The following DGKI variants were observed in gnomAD, a reference collection of about 807,000 sequenced individuals.
The protein encoded by DGKI is diacylglycerol kinase iota, also known as DAG kinase iota.
Under a neutral mutation model 147.5 loss-of-function variants are expected in DGKI, and 55 were observed. That is an observed-to-expected ratio of 0.37 (90% CI 0.30 to 0.47). The LOEUF (loss-of-function observed/expected upper bound fraction) is 0.47, where lower values mean the gene tolerates loss of function less well. Among genes scored for constraint, DGKI ranks in the 20% least tolerant of loss-of-function variants. The pLI is 1.00. For synonymous variants in DGKI, 469 were observed against 477.1 expected (o/e 0.98, Z 0.22); for missense variants, 1,007 against 1,323.8 (o/e 0.76, Z 3.71).
chr7:137,581,831 A>G lies in DGKI; in HGVS notation c.1642+19T>C. 1 of 1,604,438 alleles carries G rather than the reference A, an allele frequency of 6.2e-7. No individual in the cohort carries two copies. Among genetic ancestry groups the G allele is most frequent in the Non-Finnish European group, 8.5e-7 (1 of 1,171,784 alleles). ...AGAAACTTCCTCCCTGGGAGATGGA[A>G]ATGGGACGTTGTCCTCACCTCTGGA... On this transcript the variant is annotated intron_variant, in intron 15 of 32. Coordinates refer to ENST00000614521, the MANE Select transcript of DGKI (RefSeq NM_001321708.2).
At chr7:137,525,706 A>G (rs1250810114) in intron 20 of DGKI, among the ~76,000 whole-genome samples, 1 of 152,218 alleles carries the variant, frequency 6.6e-6, no homozygotes, top group East Asian at 1.9e-4. Context: ...AATGCCTGGC[A>G]CATTGTCAGT....
At chr7:137,634,753 T>C (rs531834634) in intron 6 of DGKI, among the ~76,000 whole-genome samples, 207 of 152,224 alleles carry the variant, frequency 1.4e-3, no homozygotes, top group Non-Finnish European at 2.5e-3. Flanking sequence ...AATGCTGAGA[T>C]TGGTTCATGC....
chr7:137,565,335 ATATAGT>A (rs1563088073), intron 19 of DGKI, among the ~76,000 whole-genome samples: 1 of 152,138 alleles, frequency 6.6e-6, no homozygotes, highest in Non-Finnish European at 1.5e-5. Flanking sequence ...AACACATCAA[ATATAGT>A]TATTTATTTA....
At chr7:137,769,918 T>C (rs1487214380) in intron 1 of DGKI, among the ~76,000 whole-genome samples, 1 of 152,366 alleles carries the variant, frequency 6.6e-6, no homozygotes, top group African/African-American at 2.4e-5. Context: ...AGTGTGGCGA[T>C]TCCTCAAGGA....
chr7:137,556,142 T>C (rs909230373), intron 19 of DGKI, among the ~76,000 whole-genome samples: 5 of 151,908 alleles, frequency 3.3e-5, no homozygotes, highest in African/African-American at 1.2e-4. Flanking sequence ...TCTCAAAAGA[T>C]TAAGCAAAAA....
intron 1 of DGKI, among the ~76,000 whole-genome samples, chr7:137,759,265 T>C (rs1585453992): frequency 6.6e-6 from 1 of 152,308 alleles, no homozygotes; most frequent in Admixed American, 6.5e-5. Flanking sequence ...ACTGAGACAA[T>C]GGCCTCCAGC....
intron 28 of DGKI, among the ~76,000 whole-genome samples, chr7:137,414,652 C>A (rs1331917667): frequency 6.6e-6 from 1 of 151,984 alleles, no homozygotes; most frequent in Non-Finnish European, 1.5e-5. Context: ...CAAATCAGCA[C>A]CATAATACAG....
At chr7:137,616,074 G>C (rs1820520539) in intron 8 of DGKI, among the ~76,000 whole-genome samples, 3 of 152,158 alleles carry the variant, frequency 2.0e-5, no homozygotes, top group South Asian at 4.1e-4. Context: ...TAAAACATCT[G>C]ATTCAGCAAG....
At chr7:137,483,046 A>T (rs1054597157) in intron 23 of DGKI, among the ~76,000 whole-genome samples, 5 of 152,226 alleles carry the variant, frequency 3.3e-5, no homozygotes, top group Middle Eastern at 3.4e-3. Flanking sequence ...TAATGCAGCA[A>T]TATTTTGACA....
At chr7:137,539,693 A>G (rs1342252468) in intron 20 of DGKI, among the ~76,000 whole-genome samples, 2 of 152,018 alleles carry the variant, frequency 1.3e-5, no homozygotes, top group East Asian at 1.9e-4. Flanking sequence ...CTTTAGAAAA[A>G]AATGGGAAAA....
chr7:137,623,073 T>C (rs952382747), intron 7 of DGKI, among the ~76,000 whole-genome samples: 3 of 152,220 alleles, frequency 2.0e-5, no homozygotes, highest in African/African-American at 7.2e-5. Context: ...TGTCCACCTG[T>C]GTTGGAGGGA....
chr7:137,818,046 T>C (rs892496600), intron 1 of DGKI, among the ~76,000 whole-genome samples: 1 of 152,184 alleles, frequency 6.6e-6, no homozygotes, highest in Non-Finnish European at 1.5e-5. Flanking sequence ...GAGAATCATA[T>C]AGAAACCGTT....
chr7:137,652,533 A>G (rs6957431), intron 5 of DGKI, among the ~76,000 whole-genome samples: 23,328 of 151,996 alleles, frequency 0.15, 5,417 homozygotes, highest in African/African-American at 0.51. Flanking sequence ...TCACCACTGA[A>G]TTACCTTCTG....
At chr7:137,537,911 G>A (rs567248424) in intron 20 of DGKI, among the ~76,000 whole-genome samples, 1 of 152,258 alleles carries the variant, frequency 6.6e-6, no homozygotes, top group African/African-American at 2.4e-5. Flanking sequence ...AGTTTATAAA[G>A]AGAGGAAAGG....
intron 1 of DGKI, among the ~76,000 whole-genome samples, chr7:137,715,777 A>G (rs1436552603): frequency 1.3e-5 from 2 of 152,214 alleles, no homozygotes; most frequent in Non-Finnish European, 2.9e-5. Flanking sequence ...TAGAAGCCCA[A>G]ACCTATTATA....
intron 19 of DGKI, among the ~76,000 whole-genome samples, chr7:137,560,580 A>G (rs370846579): frequency 1.3e-5 from 2 of 152,026 alleles, no homozygotes; most frequent in Admixed American, 6.5e-5. Context: ...TCATGGAGCA[A>G]AAGGGCCTTT....
chr7:137,729,861 T>C, intron 1 of DGKI, among the ~76,000 whole-genome samples: 1 of 152,098 alleles, frequency 6.6e-6, no homozygotes, highest in Non-Finnish European at 1.5e-5. Flanking sequence ...AATGGTTCCA[T>C]GTTCACTACT....
At chr7:137,561,296 TAAATA>T (rs1438939254) in intron 19 of DGKI, among the ~76,000 whole-genome samples, 1 of 152,140 alleles carries the variant, frequency 6.6e-6, no homozygotes, top group Non-Finnish European at 1.5e-5. Flanking sequence ...AACATTATGC[TAAATA>T]AAATAAGATA....
At chr7:137,575,419 C>G (rs1818936891) in intron 17 of DGKI, among the ~76,000 whole-genome samples, 1 of 152,156 alleles carries the variant, frequency 6.6e-6, no homozygotes, top group Non-Finnish European at 1.5e-5. Flanking sequence ...AGAGAAAACT[C>G]TCTAGCAGTT....
Sources: allele counts gnomAD v4.1 joint callset (sites outside exome capture counted in the v4.1 genomes callset), GRCh38; gene constraint gnomAD v4.1.1; transcripts MANE v1.5; gene names NCBI Gene and HGNC (gene_info 2026-07-23, HGNC 2026-07-21).